The following SLCO3A1 variants were observed in gnomAD, a reference collection of about 807,000 sequenced individuals.
SLCO3A1 encodes solute carrier organic anion transporter family member 3A1, also known as PGE1 transporter.
Under a neutral mutation model 63.1 loss-of-function variants are expected in SLCO3A1, and 27 were observed. That is an observed-to-expected ratio of 0.43 (90% CI 0.32 to 0.59). The LOEUF is 0.59. SLCO3A1 is among the 20% of genes least tolerant of loss of function. The probability of loss-of-function intolerance (pLI) is 0.09; values close to 1 mark genes in which losing one functional copy is unlikely to be tolerated. For missense variants in SLCO3A1, 773 were observed against 945.8 expected (o/e 0.82, Z 2.40); for synonymous variants, 473 against 409.9 (o/e 1.15, Z -1.86).
At chr15:91,929,078 G>A (rs1045818823) in intron 2 of SLCO3A1, among the ~76,000 whole-genome samples, 3 of 152,226 alleles carry the variant, frequency 2.0e-5, no homozygotes, top group Admixed American at 6.5e-5. Flanking sequence ...ACAAGAAGTA[G>A]AGATAATGTA....
At chr15:92,131,339 C>A (rs1033360978) in intron 7 of SLCO3A1, among the ~76,000 whole-genome samples, 1 of 145,678 alleles carries the variant, frequency 6.9e-6, no homozygotes, top group African/African-American at 2.5e-5. Flanking sequence ...CCTCTCCAGC[C>A]TCAACCTCCC....
chr15:91,960,183 C>T (rs1053897685), intron 2 of SLCO3A1, among the ~76,000 whole-genome samples: 2 of 152,172 alleles, frequency 1.3e-5, no homozygotes, highest in Non-Finnish European at 2.9e-5. Context: ...CGGAGTTTCA[C>T]GATGTTAGCC....
chr15:91,860,404 G>A lies in SLCO3A1; in HGVS notation c.180+6316G>A, dbSNP rs1325516024. Among the ~76,000 whole-genome samples, 3 of 152,216 alleles carry A rather than the reference G, an allele frequency of 2.0e-5. No homozygotes were observed. Among genetic ancestry groups the A allele is most frequent in the African/African-American group, 7.2e-5 (3 of 41,452 alleles). On this transcript the variant is annotated intron_variant, in intron 1 of 9. Coordinates refer to ENST00000318445, the MANE Select transcript of SLCO3A1 (RefSeq NM_013272.4). The surrounding 1 kb of genome is among the most constrained non-coding windows in gnomAD (Gnocchi z 5.5). The stretch of plus-strand genomic sequence containing the variant: ...TCAAGCTTATCTTACAGATGGTTGT[G>A]AGGTTTAAACAAATAGTCATGTGAT...
intron 2 of SLCO3A1, among the ~76,000 whole-genome samples, chr15:92,028,126 G>C (rs904328068): frequency 6.6e-6 from 1 of 152,210 alleles, no homozygotes. Context: ...GGGAAACAAA[G>C]ACCAGAGTCT....
chr15:91,946,894 G>C (rs1307427760), intron 2 of SLCO3A1, among the ~76,000 whole-genome samples: 1 of 152,180 alleles, frequency 6.6e-6, no homozygotes, highest in Non-Finnish European at 1.5e-5. Context: ...TGCCATTGTG[G>C]AATGGCAAAG....
intron 2 of SLCO3A1, among the ~76,000 whole-genome samples, chr15:91,964,475 A>C (rs1900583101): frequency 6.6e-6 from 1 of 151,854 alleles, no homozygotes; most frequent in South Asian, 2.1e-4. Context: ...AGGTTTTACT[A>C]ATATGTGGGC....
At chr15:91,864,319 G>C (rs1049793449) in intron 1 of SLCO3A1, among the ~76,000 whole-genome samples, 1 of 152,114 alleles carries the variant, frequency 6.6e-6, no homozygotes, top group Non-Finnish European at 1.5e-5. Flanking sequence ...CCCACCCTCC[G>C]GAGCCAGCTC....
At chr15:92,064,975 A>C (rs2151509703) in intron 2 of SLCO3A1, among the ~76,000 whole-genome samples, 1 of 152,342 alleles carries the variant, frequency 6.6e-6, no homozygotes. Context: ...ACTGTAGTTA[A>C]TAATTTATTA....
intron 2 of SLCO3A1, among the ~76,000 whole-genome samples, chr15:91,959,084 C>T (rs1900340996): frequency 6.6e-6 from 1 of 152,168 alleles, no homozygotes; most frequent in Non-Finnish European, 1.5e-5. Flanking sequence ...GAATACTACT[C>T]AACCATAAAA....
At chr15:92,098,369 T>C (rs1266142527) in intron 3 of SLCO3A1, 3 of 152,282 alleles carry the variant, frequency 2.0e-5, no homozygotes, top group African/African-American at 7.2e-5. Context: ...CTTTCATCCA[T>C]GTTTGATCGC....
rs554796084 is a variant in SLCO3A1 at position 91,976,250 on chromosome 15, CA to C, written c.646+59799del. Among the ~76,000 whole-genome samples the C allele has an allele frequency of 1.3e-3, 201 of 151,886 alleles. 1 individual carries two copies. Among genetic ancestry groups the C allele is most frequent in the South Asian group, 3.3e-3 (16 of 4,806 alleles). On this transcript the variant is annotated intron_variant, in intron 2 of 9. Coordinates refer to ENST00000318445, the MANE Select transcript of SLCO3A1 (RefSeq NM_013272.4). Reference sequence around the variant, plus strand: ...ACAGAGAATTTCAAAGAGTTAGTACCAAAAAAAGACTGTAAAATATCTTAAT... The same window carrying C: ...ACAGAGAATTTCAAAGAGTTAGTACCAAAAAAGACTGTAAAATATCTTAAT...
At chr15:92,060,746 C>T (rs1042321039) in intron 2 of SLCO3A1, among the ~76,000 whole-genome samples, 1 of 152,022 alleles carries the variant, frequency 6.6e-6, no homozygotes, top group Non-Finnish European at 1.5e-5. Flanking sequence ...GCAATCTGCC[C>T]GCCTCAGCCT....
At chr15:92,136,468 G>C (rs74028814) in intron 7 of SLCO3A1, among the ~76,000 whole-genome samples, 7,386 of 152,210 alleles carry the variant, frequency 0.049, 624 homozygotes, top group African/African-American at 0.17. Context: ...GAAAACAAAT[G>C]CAAGATTCCA....
At chr15:91,888,776 A>C (rs1283174696) in intron 1 of SLCO3A1, among the ~76,000 whole-genome samples, 1 of 152,114 alleles carries the variant, frequency 6.6e-6, no homozygotes, top group Non-Finnish European at 1.5e-5. Context: ...TGAGGCCAGT[A>C]GTTAGATACC....
At chr15:92,145,384 G>C (rs80262440) in intron 7 of SLCO3A1, among the ~76,000 whole-genome samples, 5,346 of 151,904 alleles carry the variant, frequency 0.035, 144 homozygotes, top group Non-Finnish European at 0.055. Flanking sequence ...AAGTGAGGAA[G>C]GTTCGTTCTC....
intron 7 of SLCO3A1, among the ~76,000 whole-genome samples, chr15:92,139,705 G>T (rs2048104256): frequency 1.3e-5 from 2 of 152,274 alleles, no homozygotes; most frequent in East Asian, 3.9e-4. Flanking sequence ...TTAGTCTCAG[G>T]AGAGTGTATG....
chr15:91,977,992 C>T (rs935354854), intron 2 of SLCO3A1, among the ~76,000 whole-genome samples: 1 of 152,176 alleles, frequency 6.6e-6, no homozygotes, highest in Non-Finnish European at 1.5e-5. Context: ...TCAGTAAACA[C>T]AGAGTATTGA....
chr15:91,895,501 T>C (rs1464403083), intron 1 of SLCO3A1, among the ~76,000 whole-genome samples: 1 of 152,258 alleles, frequency 6.6e-6, no homozygotes, highest in African/African-American at 2.4e-5. Context: ...ATCCAGGGCT[T>C]GCATACAATG....
At chr15:92,132,475 A>T (rs1322325469) in intron 7 of SLCO3A1, among the ~76,000 whole-genome samples, 1 of 145,382 alleles carries the variant, frequency 6.9e-6, no homozygotes, top group Non-Finnish European at 1.5e-5. Flanking sequence ...TTAATTCTGT[A>T]AATTTCCTTT....
Sources: gnomAD v4.1 joint callset for allele counts (sites outside exome capture counted in the v4.1 genomes callset) on GRCh38, gnomAD v4.1.1 for gene constraint, Gnocchi (gnomAD v3.1) non-coding constraint, MANE v1.5 for transcripts, NCBI Gene and HGNC (gene_info 2026-07-23, HGNC 2026-07-21) for gene names.